The following FSTL4 variants were observed in gnomAD, a reference collection of about 807,000 sequenced individuals.
FSTL4 encodes follistatin like 4, also known as follistatin-related protein 4.
Under a neutral mutation model 78.2 loss-of-function variants are expected in FSTL4, and 28 were observed. That is an observed-to-expected ratio of 0.36 (90% CI 0.27 to 0.49). The LOEUF is 0.49. Ranked by LOEUF, FSTL4 falls within the 20% of genes least tolerant of loss-of-function variation. The pLI, the probability that FSTL4 is intolerant of heterozygous loss-of-function variation, is 0.98. For synonymous variants in FSTL4, 422 were observed against 440.5 expected (o/e 0.96, Z 0.53); for missense variants, 922 against 1,084.9 (o/e 0.85, Z 2.11).
At chr5:133,834,888 A>C in the FSTL4 span, among the ~76,000 whole-genome samples, 68 of 152,052 alleles carry the variant, frequency 4.5e-4, no homozygotes, top group African/African-American at 1.6e-3. Context: ...TTTTATGAAA[A>C]ATGCATAAAA....
the FSTL4 span, among the ~76,000 whole-genome samples, chr5:133,751,065 T>A: frequency 6.6e-6 from 1 of 151,996 alleles, no homozygotes; most frequent in Non-Finnish European, 1.5e-5. Flanking sequence ...CCACCCTACG[T>A]GCACCCCACC....
In FSTL4 at chr5:133,240,173, A is replaced by C. The variant is rs112798252; in HGVS notation, c.895-6636T>G. ...ACCCACCAGAAGGAAGAAACTCCAA[A>C]CGCATCCGAGCATCAGAAGGAACAA... On this transcript the variant is annotated intron_variant, in intron 7 of 15. Coordinates refer to ENST00000265342, the MANE Select transcript of FSTL4 (RefSeq NM_015082.2). Among the ~76,000 whole-genome samples the C allele has an allele frequency of 3.2e-3, 480 of 152,200 alleles. 5 individuals are homozygous for C. Among genetic ancestry groups the C allele is most frequent in the Middle Eastern group, 0.017 (5 of 294 alleles).
At chr5:133,578,987 C>G (rs574076653) in intron 2 of FSTL4, among the ~76,000 whole-genome samples, 1 of 152,326 alleles carries the variant, frequency 6.6e-6, no homozygotes, top group South Asian at 2.1e-4. Context: ...ACGTCCAAGA[C>G]CATCACAACA....
chr5:133,620,080 C>A, the FSTL4 span, among the ~76,000 whole-genome samples: 1 of 152,048 alleles, frequency 6.6e-6, no homozygotes, highest in Admixed American at 6.6e-5. Flanking sequence ...AAAATGATGT[C>A]ATATCTAGTT....
chr5:133,821,582 A>T, the FSTL4 span, among the ~76,000 whole-genome samples: 1 of 152,174 alleles, frequency 6.6e-6, no homozygotes, highest in Non-Finnish European at 1.5e-5. Context: ...AGGAATTGGC[A>T]GTGTGTGTGC....
In FSTL4 at chr5:133,611,485, C is replaced by T. The variant is rs1190520287; in HGVS notation, c.-11+840G>A. 1.3e-5 allele frequency among the ~76,000 whole-genome samples: 2 copies of T among 152,202 alleles called. No homozygotes were observed. The highest frequency in any genetic ancestry group is 2.9e-5 in the Non-Finnish European group (2 of 68,030). On this transcript the variant is annotated intron_variant, in intron 1 of 15. Coordinates refer to ENST00000265342, the MANE Select transcript of FSTL4 (RefSeq NM_015082.2). This position sits in a 1 kb window ranked among gnomAD's most constrained non-coding sequence, Gnocchi z 4.9. The stretch of plus-strand genomic sequence containing the variant: ...CTGTGCCTGCCTCGTCCAGGTCCCT[C>T]CTGAAACTCAGAACTCGTCTTTGTT...
chr5:133,695,406 A>C, the FSTL4 span, among the ~76,000 whole-genome samples: 17 of 152,300 alleles, frequency 1.1e-4, no homozygotes, highest in South Asian at 3.5e-3. Context: ...AAATGTCAGA[A>C]GGGAAGGCAG....
chr5:133,604,862 G>A (rs1212210547), intron 1 of FSTL4, among the ~76,000 whole-genome samples: 2 of 120,488 alleles, frequency 1.7e-5, no homozygotes, highest in Non-Finnish European at 3.4e-5. Flanking sequence ...CAGAATCCAA[G>A]CATCCAATGA....
intron 6 of FSTL4, among the ~76,000 whole-genome samples, chr5:133,264,206 G>A (rs146188064): frequency 5.9e-4 from 90 of 152,284 alleles, no homozygotes; most frequent in African/African-American, 2.0e-3. Context: ...CAATAGTGGC[G>A]CTGTTGAGAA....
chr5:133,285,860 A>G (rs567572078), intron 6 of FSTL4, among the ~76,000 whole-genome samples: 1 of 152,358 alleles, frequency 6.6e-6, no homozygotes, highest in East Asian at 1.9e-4. Flanking sequence ...ACGCCCAGGC[A>G]TAGACTTTGC....
chr5:133,666,364 A>T, the FSTL4 span, among the ~76,000 whole-genome samples: 1 of 152,186 alleles, frequency 6.6e-6, no homozygotes, highest in Non-Finnish European at 1.5e-5. Flanking sequence ...GGTGAATTAT[A>T]AAAGAAATTG....
At chr5:133,359,020 G>T (rs1370911365) in intron 4 of FSTL4, among the ~76,000 whole-genome samples, 1 of 152,178 alleles carries the variant, frequency 6.6e-6, no homozygotes, top group Non-Finnish European at 1.5e-5. Flanking sequence ...ACACGGTGGG[G>T]TCTTTCTGTA....
At chr5:133,452,728 G>C (rs1757409677) in intron 3 of FSTL4, among the ~76,000 whole-genome samples, 1 of 152,246 alleles carries the variant, frequency 6.6e-6, no homozygotes, top group Admixed American at 6.5e-5. Context: ...AGGAAAGCAG[G>C]AGCTGTGCTT....
chr5:133,831,046 C>A, the FSTL4 span, among the ~76,000 whole-genome samples: 2 of 152,114 alleles, frequency 1.3e-5, no homozygotes, highest in Admixed American at 1.3e-4. Flanking sequence ...AGACGCTTAG[C>A]AGGTGGGAGG....
chr5:133,643,941 T>C, the FSTL4 span, among the ~76,000 whole-genome samples: 1 of 144,916 alleles, frequency 6.9e-6, no homozygotes, highest in Non-Finnish European at 1.5e-5. Flanking sequence ...GAAACTGTTC[T>C]TATGTTAGTG....
At chr5:133,232,723 A>T (rs933117240) in intron 8 of FSTL4, among the ~76,000 whole-genome samples, 2 of 152,194 alleles carry the variant, frequency 1.3e-5, no homozygotes, top group African/African-American at 4.8e-5. Context: ...TTAGCAAATC[A>T]TCCATGAACT....
the FSTL4 span, among the ~76,000 whole-genome samples, chr5:133,697,865 G>A: frequency 5.9e-5 from 9 of 152,200 alleles, no homozygotes; most frequent in South Asian, 2.1e-4. Context: ...TGGAGGGCAC[G>A]TGCCCGCTGT....
chr5:133,616,784 A>G (rs2112991856), upstream of FSTL4, among the ~76,000 whole-genome samples: 1 of 152,274 alleles, frequency 6.6e-6, no homozygotes, highest in East Asian at 1.9e-4. Context: ...CTATGAAGAC[A>G]ACTATCCAAC....
At chr5:133,257,340 G>T (rs1018837944) in intron 6 of FSTL4, among the ~76,000 whole-genome samples, 2 of 152,154 alleles carry the variant, frequency 1.3e-5, no homozygotes, top group African/African-American at 4.8e-5. Flanking sequence ...CCTCTTTCTT[G>T]GTAGAGCCCT....
Sources: gnomAD v4.1 joint callset for allele counts (sites outside exome capture counted in the v4.1 genomes callset) on GRCh38, gnomAD v4.1.1 for gene constraint, Gnocchi (gnomAD v3.1) non-coding constraint, MANE v1.5 for transcripts, NCBI Gene and HGNC (gene_info 2026-07-23, HGNC 2026-07-21) for gene names.